ISOC1: variants seen among roughly 807,000 people sequenced by gnomAD.
The protein encoded by ISOC1 is isochorismatase domain-containing protein 1.
Under a neutral mutation model 30.0 loss-of-function variants are expected in ISOC1, and 33 were observed. The observed-to-expected ratio is 1.10, with a 90% CI of 0.83 to 1.47. The LOEUF (loss-of-function observed/expected upper bound fraction) is 1.47. Ranked by LOEUF, ISOC1 falls within the 40% of genes most tolerant of loss-of-function variation. ISOC1 has a pLI of 0.00. For synonymous variants in ISOC1, 178 were observed against 159.8 expected, an observed-to-expected ratio of 1.11 and a Z score of -0.86; for missense variants, 372 against 388.0, an observed-to-expected ratio of 0.96 and a Z score of 0.35.
chr5:129,099,521 T>G (rs140579410), intron 1 of ISOC1, among the ~76,000 whole-genome samples: 148 of 152,356 alleles, frequency 9.7e-4, no homozygotes, highest in African/African-American at 3.5e-3. Context: ...CCTGATCTGT[T>G]TTTCCAGGAA....
chr5:129,104,528 T>C (rs1195015695), intron 1 of ISOC1, among the ~76,000 whole-genome samples: 1 of 152,168 alleles, frequency 6.6e-6, no homozygotes, highest in Non-Finnish European at 1.5e-5. Flanking sequence ...TAACCACTTG[T>C]TAATATTGTA....
intron 4 of ISOC1, among the ~76,000 whole-genome samples, chr5:129,107,909 G>A (rs1274792922): frequency 6.6e-6 from 1 of 152,158 alleles, no homozygotes; most frequent in African/African-American, 2.4e-5. Context: ...ACAGTAGGAT[G>A]TCAAGCATTT....
intron 4 of ISOC1, among the ~76,000 whole-genome samples, chr5:129,108,322 G>A: frequency 6.6e-6 from 1 of 152,140 alleles, no homozygotes; most frequent in Non-Finnish European, 1.5e-5. Flanking sequence ...CACAGCAGGT[G>A]TTTTAGGGTC....
intron 4 of ISOC1, 52 bp from the exon 5 acceptor site, chr5:129,112,803 A>G: frequency 6.3e-7 from 1 of 1,578,782 alleles, no homozygotes; most frequent in Non-Finnish European, 8.6e-7. Flanking sequence ...CTTCTGAAAT[A>G]GTGTTCATTC....
rs1368141468 is a variant in ISOC1, at chr5:129,094,809, G to A, written c.43G>A (p.Gly15Ser). The A allele has an allele frequency of 4.6e-6, 7 of 1,535,006 alleles. No individual in the cohort carries two copies. Among genetic ancestry groups the A allele is most frequent in the South Asian group, 1.2e-5 (1 of 82,962 alleles). Reference sequence around the variant, plus strand: ...GGCGGTCCTTGCGCTCCCCAACAGCGGCGCCGGGGGCGCGGGGGCGCCGTC... The same window carrying A: ...GGCGGTCCTTGCGCTCCCCAACAGCAGCGCCGGGGGCGCGGGGGCGCCGTC... ...EPAVLALPNS[G>S]AGGAGAPSGT... Residue 15 changes from glycine to serine, a missense_variant, in exon 1 of 5, where the codon GGC becomes AGC. Physicochemically the swap from Gly to Ser is moderately conservative, Grantham distance 56 (BLOSUM62 0). Transcript: ENST00000173527.
rs751693123 is a variant in ISOC1 at position 129,105,059 on chromosome 5, G to A, written c.413G>A (p.Ser138Asn). 5 of 1,613,684 alleles carry A rather than the reference G, an allele frequency of 3.1e-6. No individual in the cohort carries two copies. In the South Asian group the frequency reaches 5.5e-5, roughly 18 times the overall value. ...ATCAAGTATTTTGGGGATATTATTA[G>A]CGTGGGACAGAGATTGGTATGCTTG... ...PAIKYFGDII[S>N]VGQRLLQGAR... The change falls in exon 2 of 5, where the codon AGC becomes AAC. Residue 138 changes from serine to asparagine, a missense_variant. Transcript: ENST00000173527.
At position 129,113,005 on chromosome 5, in the gene ISOC1, A is replaced by G. The variant is rs746730193; in HGVS notation, c.*4A>G. The G allele has an allele frequency of 1.2e-6, 2 of 1,608,762 alleles. No homozygotes were observed. Among genetic ancestry groups the G allele is most frequent in the South Asian group, 2.2e-5 (2 of 90,146 alleles). On this transcript the variant is annotated 3_prime_UTR_variant, in exon 5 of 5. Transcript: ENST00000173527. ...GGGTCTGCTTTCCAAAGTATAGGAC[A>G]TTTGAAGAACTGGTATGCTACTCAC...
At chr5:129,102,040 A>T (rs1016034222) in intron 1 of ISOC1, among the ~76,000 whole-genome samples, 1 of 152,184 alleles carries the variant, frequency 6.6e-6, no homozygotes, top group Non-Finnish European at 1.5e-5. Context: ...CATTAATGAC[A>T]TTAATCTTGA....
chr5:129,100,450 G>A (rs1753556392), intron 1 of ISOC1, among the ~76,000 whole-genome samples: 1 of 152,206 alleles, frequency 6.6e-6, no homozygotes, highest in East Asian at 1.9e-4. Context: ...GTGCAAATGT[G>A]TGTGTAGGAC....
At chr5:129,102,594 A>G (rs1231592943) in intron 1 of ISOC1, among the ~76,000 whole-genome samples, 1 of 152,228 alleles carries the variant, frequency 6.6e-6, no homozygotes, top group Non-Finnish European at 1.5e-5. Context: ...TTTATAATGT[A>G]GTCCTTCTGA....
At chr5:129,095,788 G>T (rs1031186044) in intron 1 of ISOC1, among the ~76,000 whole-genome samples, 3 of 152,214 alleles carry the variant, frequency 2.0e-5, no homozygotes, top group African/African-American at 7.2e-5. Flanking sequence ...GGCTGGGAAA[G>T]TTGTTCTACC....
In ISOC1 at chr5:129,105,366, G is replaced by A. The variant is rs769438324; in HGVS notation, c.611G>A (p.Ser204Asn). Reference sequence around the variant, plus strand: ...TTAGCAGAGATTCCCGGAGTCAGGAGTGTTGTATTATTTGGAGTAGAAGTA... The same window carrying A: ...TTAGCAGAGATTCCCGGAGTCAGGAATGTTGTATTATTTGGAGTAGAAGTA... ...AALAEIPGVR[S>N]VVLFGVETHV... The change falls in exon 3 of 5, where the codon AGT becomes AAT. Residue 204 changes from serine (S) to asparagine (N), a missense_variant. Ser to Asn is a conservative substitution (Grantham distance 46). Transcript: ENST00000173527. 51 of 1,613,510 alleles carry A rather than the reference G, an allele frequency of 3.2e-5. No homozygotes were observed. Among genetic ancestry groups the A allele is most frequent in the Non-Finnish European group, 4.2e-5 (50 of 1,179,694 alleles).
At chr5:129,107,391 A>T (rs1371276707) in intron 4 of ISOC1, among the ~76,000 whole-genome samples, 1 of 152,200 alleles carries the variant, frequency 6.6e-6, no homozygotes. Context: ...TTTGCAAATT[A>T]AAAATAGCTC....
intron 4 of ISOC1, among the ~76,000 whole-genome samples, chr5:129,108,006 A>G (rs542296529): frequency 2.6e-5 from 4 of 152,152 alleles, no homozygotes; most frequent in Non-Finnish European, 4.4e-5. Context: ...TCTCTCTCTC[A>G]TATTTAGTTC....
At position 129,111,398 on chromosome 5, in the gene ISOC1, T is replaced by G. The variant is rs550980766; in HGVS notation, c.751-1457T>G. Among the ~76,000 whole-genome samples the G allele has an allele frequency of 3.3e-5, 5 of 152,278 alleles. No individual in the cohort carries two copies. In the East Asian group the frequency reaches 7.7e-4, roughly 24 times the overall value. On this transcript the variant is annotated intron_variant, in intron 4 of 4. Coordinates refer to ENST00000173527, the MANE Select transcript of ISOC1 (RefSeq NM_016048.2). ...CTGACAAGTAGGTTATGGCTTATAC[T>G]CCCTTATACTTCATTACGGATAAAA...
intron 3 of ISOC1, among the ~76,000 whole-genome samples, chr5:129,106,170 A>G (rs1753635662): frequency 6.6e-6 from 1 of 152,150 alleles, no homozygotes; most frequent in Non-Finnish European, 1.5e-5. Context: ...GTTCATCATC[A>G]TTAGACCTTA....
Position 129,094,788 on chromosome 5 carries a change from G to T in ISOC1, c.22G>T (p.Val8Phe), listed in dbSNP as rs1250235680. 6.6e-7 allele frequency: 1 copy of T among 1,520,010 alleles called. No individual in the cohort carries two copies. 94.2% of individuals were successfully genotyped at this position (1,520,010 alleles called of 1,614,324 possible). Residue 8 changes from valine to phenylalanine, a missense_variant, in exon 1 of 5, where the codon GTC (valine) becomes TTC (phenylalanine). Val to Phe is a conservative substitution (Grantham distance 50, BLOSUM62 -1). Transcript: ENST00000173527. MAAAEPA[V>F]LALPNSGAGG... ...GAACATGGCGGCTGCGGAGCCGGCG[G>T]TCCTTGCGCTCCCCAACAGCGGCGC...
chr5:129,107,133 A>T, intron 4 of ISOC1, 71 bp downstream of exon 4: 1 of 1,226,476 alleles, frequency 8.2e-7, no homozygotes. Context: ...CTGGATATTT[A>T]ACAGTAATGA....
At chr5:129,104,353 T>A (rs1455751496) in intron 1 of ISOC1, among the ~76,000 whole-genome samples, 2 of 152,166 alleles carry the variant, frequency 1.3e-5, no homozygotes, top group Non-Finnish European at 2.9e-5. Flanking sequence ...TTTTAAGTTT[T>A]ACTTTTTATA....
Sources: allele counts gnomAD v4.1 joint callset (sites outside exome capture counted in the v4.1 genomes callset), GRCh38; gene constraint gnomAD v4.1.1; transcripts MANE v1.5; gene names NCBI Gene and HGNC (gene_info 2026-07-23, HGNC 2026-07-21).